The following FSTL5 variants were observed in gnomAD, a reference collection of about 807,000 sequenced individuals.
FSTL5 encodes follistatin-related protein 5.
In FSTL5, 62 loss-of-function variants were observed where a neutral mutation model predicts 89.1. The observed-to-expected ratio is 0.70, with a 90% confidence interval of 0.57 to 0.86. The LOEUF is 0.86. FSTL5 is among the 40% of genes least tolerant of loss of function. The pLI is 0.00. For missense variants in FSTL5, 1,057 were observed against 1,001.6 expected (o/e 1.06, Z -0.75); for synonymous variants, 383 against 346.2 (o/e 1.11, Z -1.18).
rs532126903 is a variant in FSTL5 at position 161,803,451 on chromosome 4, T to A, written c.410-27377A>T. 5.3e-5 allele frequency among the ~76,000 whole-genome samples: 8 copies of A among 152,120 alleles called. No individual in the cohort carries two copies. The South Asian group carries it at 1.4e-3, about 28-fold the overall frequency. ...TCATAGTGATAAGTATCACTTTTAC[T>A]ACATCACGTAAGTTTGCACAAACAG... On this transcript the variant is annotated intron_variant, in intron 4 of 15. Transcript: ENST00000306100.
intron 4 of FSTL5, among the ~76,000 whole-genome samples, chr4:161,855,992 G>A (rs1474148646): frequency 2.6e-5 from 4 of 152,092 alleles, no homozygotes; most frequent in East Asian, 3.9e-4. Context: ...CTTTAGTTGC[G>A]TTTCTTTTAT....
rs766733244 is a variant in FSTL5, at chr4:161,504,547, T to C, written c.1340-4413A>G. Among the ~76,000 whole-genome samples, 4 of 151,996 alleles carry C rather than the reference T, an allele frequency of 2.6e-5. No homozygotes were observed. The South Asian group carries it at 6.2e-4, about 24-fold the overall frequency. ...CGCTTAGTCTTTTTTTTGGGTTGATTGTTAATCTAACAGAGTATAGTGACT... is the reference window on the plus strand; with the variant it reads ...CGCTTAGTCTTTTTTTTGGGTTGATCGTTAATCTAACAGAGTATAGTGACT... On this transcript the variant is annotated intron_variant, in intron 11 of 15. Coordinates refer to ENST00000306100, the MANE Select transcript of FSTL5 (RefSeq NM_020116.5).
intron 6 of FSTL5, among the ~76,000 whole-genome samples, chr4:161,751,984 G>T (rs1462120561): frequency 6.6e-6 from 1 of 152,100 alleles, no homozygotes; most frequent in Admixed American, 6.5e-5. Flanking sequence ...CCCAAATCAA[G>T]GTAAGCTTAG....
At chr4:161,764,717 G>C (rs546236729) in intron 5 of FSTL5, among the ~76,000 whole-genome samples, 4 of 152,072 alleles carry the variant, frequency 2.6e-5, no homozygotes, top group African/African-American at 9.7e-5. Flanking sequence ...TAAACCACTG[G>C]TGGAAAGAAA....
chr4:161,926,426 T>TA (rs1734128405), intron 3 of FSTL5, among the ~76,000 whole-genome samples: 1 of 150,358 alleles, frequency 6.7e-6, no homozygotes, highest in East Asian at 1.9e-4. Context: ...TTTGTTTTTT[T>TA]ACAAGAGGCC....
intron 1 of FSTL5, among the ~76,000 whole-genome samples, chr4:162,134,785 A>G (rs875999): frequency 0.53 from 80,819 of 151,654 alleles, 21,758 homozygotes; most frequent in Admixed American, 0.59. Flanking sequence ...ATCTTATGCA[A>G]TGGCTGTGTT....
intron 3 of FSTL5, among the ~76,000 whole-genome samples, chr4:161,922,100 G>A (rs763006497): frequency 6.6e-6 from 1 of 151,812 alleles, no homozygotes; most frequent in Non-Finnish European, 1.5e-5. Flanking sequence ...AGTACCAATG[G>A]CATATTTTTT....
At chr4:161,586,311 A>C (rs1220899469) in intron 8 of FSTL5, among the ~76,000 whole-genome samples, 1 of 152,182 alleles carries the variant, frequency 6.6e-6, no homozygotes, top group Non-Finnish European at 1.5e-5. Context: ...TGAATACTTG[A>C]CATTTTCATC....
intron 11 of FSTL5, among the ~76,000 whole-genome samples, chr4:161,504,498 A>G (rs1473420367): frequency 6.6e-6 from 1 of 150,846 alleles, no homozygotes; most frequent in East Asian, 1.9e-4. Context: ...TCCTTTTTCA[A>G]GCTCTGGTGA....
At chr4:161,462,453 G>A (rs1261259669) in intron 13 of FSTL5, among the ~76,000 whole-genome samples, 1 of 152,162 alleles carries the variant, frequency 6.6e-6, no homozygotes, top group Non-Finnish European at 1.5e-5. Context: ...AGTCAGTATA[G>A]ATCATGTTTA....
chr4:162,129,351 A>C (rs558836551), intron 1 of FSTL5, among the ~76,000 whole-genome samples: 128 of 152,350 alleles, frequency 8.4e-4, no homozygotes, highest in African/African-American at 3.0e-3. Context: ...TTGTATGTTA[A>C]GCTTTAAAAC....
chr4:162,132,231 A>C (rs534380479), intron 1 of FSTL5, among the ~76,000 whole-genome samples: 1 of 152,288 alleles, frequency 6.6e-6, no homozygotes, highest in South Asian at 2.1e-4. Context: ...TTATCTATAT[A>C]AGTACCCTCA....
In FSTL5 at chr4:162,020,796, CA is replaced by C. The variant is rs529796690; in HGVS notation, c.160+12828del. Among the ~76,000 whole-genome samples the C allele has an allele frequency of 2.6e-5, 4 of 151,866 alleles. No homozygotes were observed. In the South Asian group the frequency reaches 6.2e-4, roughly 24 times the overall value. On this transcript the variant is annotated intron_variant, in intron 3 of 15. Transcript: ENST00000306100. ...AATTAAAAGAAAAAACAGAAAACAA[CA>C]AAAACAAGCAAAGATAAAAGTATTT... is the stretch of plus-strand genomic sequence containing the variant.
chr4:161,910,734 C>T (rs1733666011), intron 4 of FSTL5, among the ~76,000 whole-genome samples: 1 of 152,124 alleles, frequency 6.6e-6, no homozygotes, highest in South Asian at 2.1e-4. Context: ...GACCTTCCCT[C>T]TCCCAGCTTG....
chr4:162,042,346 C>CTCA (rs1737997484), intron 2 of FSTL5, among the ~76,000 whole-genome samples: 2 of 151,962 alleles, frequency 1.3e-5, no homozygotes, highest in African/African-American at 4.8e-5. Context: ...ATGAATATGA[C>CTCA]ATATAAACTC....
intron 4 of FSTL5, among the ~76,000 whole-genome samples, chr4:161,821,658 A>G (rs1318649930): frequency 6.6e-6 from 1 of 152,182 alleles, no homozygotes; most frequent in Admixed American, 6.5e-5. Flanking sequence ...TATGAGTGAG[A>G]ACATATGATA....
intron 12 of FSTL5, chr4:161,495,071 AAACAAC>A: frequency 1.3e-5 from 2 of 152,240 alleles, no homozygotes; most frequent in East Asian, 3.9e-4. Flanking sequence ...CAATAAAACA[AAACAAC>A]AACAACAACA....
chr4:161,683,568 C>T (rs1737599342), intron 6 of FSTL5, among the ~76,000 whole-genome samples: 1 of 151,820 alleles, frequency 6.6e-6, no homozygotes, highest in Admixed American at 6.6e-5. Context: ...TAAAAATCCT[C>T]TATGGAAAAG....
rs1226257645 is a variant in FSTL5, at chr4:162,087,372, G to T, written c.126+23899C>A. Reference sequence around the variant, plus strand: ...GTAAAGCACAGAAAACTTAATTTTGGTTATGAAGTGTTATATAAATATTCT... The same window carrying T: ...GTAAAGCACAGAAAACTTAATTTTGTTTATGAAGTGTTATATAAATATTCT... On this transcript the variant is annotated intron_variant, in intron 2 of 15. Coordinates refer to ENST00000306100, the MANE Select transcript of FSTL5 (RefSeq NM_020116.5). 3.9e-5 allele frequency among the ~76,000 whole-genome samples: 6 copies of T among 151,974 alleles called. No homozygotes were observed. In the South Asian group the frequency reaches 8.3e-4, roughly 21 times the overall value.
Sources: allele counts gnomAD v4.1 joint callset (sites outside exome capture counted in the v4.1 genomes callset), GRCh38; gene constraint gnomAD v4.1.1; transcripts MANE v1.5; gene names NCBI Gene and HGNC (gene_info 2026-07-23, HGNC 2026-07-21).